Variants in ANK3 observed in about 807,000 individuals in gnomAD.
The protein encoded by ANK3 is ankyrin-3.
A neutral mutation model predicts 370.9 loss-of-function variants in ANK3; 57 were observed. The observed-to-expected ratio is 0.15, with a 90% confidence interval of 0.12 to 0.19. ANK3 has a LOEUF of 0.19. ANK3 is among the 10% of genes least tolerant of loss of function. The pLI is 1.00. For synonymous variants in ANK3, 1,929 were observed against 1,946.3 expected (o/e 0.99, Z 0.23); for missense variants, 4,439 against 5,302.1 (o/e 0.84, Z 5.06).
chr10:60,295,852 T>C (rs2042388372), intron 1 of ANK3, among the ~76,000 whole-genome samples: 1 of 152,144 alleles, frequency 6.6e-6, no homozygotes, highest in Admixed American at 6.5e-5. Context: ...AACGGTATTT[T>C]CCAAAACAAA....
Position 60,208,059 on chromosome 10 carries a change from C to G in ANK3, c.1171G>C (p.Ala391Pro), listed in dbSNP as rs1404588845. The change falls in exon 10 of 44, where the codon GCT (alanine) becomes CCT (proline). Residue 391 changes from alanine to proline, a missense_variant. Coordinates refer to ENST00000280772, the MANE Select transcript of ANK3 (RefSeq NM_020987.5). The part of the protein sequence containing the change: ...KVAKVLLDKK[A>P]NPNAKALNGF... Reference sequence around the variant, plus strand: ...ACCAGGGCTTTGGCATTGGGGTTAGCTTTCTTATCCAAGAGAACCTTGGCA... The same window carrying G: ...ACCAGGGCTTTGGCATTGGGGTTAGGTTTCTTATCCAAGAGAACCTTGGCA... 1 of 1,613,784 alleles carries G rather than the reference C, an allele frequency of 6.2e-7. No individual in the cohort carries two copies. Among genetic ancestry groups the G allele is most frequent in the Non-Finnish European group, 8.5e-7 (1 of 1,179,988 alleles).
intron 2 of ANK3, among the ~76,000 whole-genome samples, chr10:60,553,851 T>C (rs1481909309): frequency 1.3e-5 from 2 of 152,246 alleles, no homozygotes; most frequent in Non-Finnish European, 2.9e-5. Flanking sequence ...TAACTGATTA[T>C]GGCAACTAGC....
intron 12 of ANK3, among the ~76,000 whole-genome samples, chr10:60,200,862 T>G (rs763420745): frequency 5.9e-5 from 9 of 152,230 alleles, no homozygotes; most frequent in Admixed American, 1.3e-4. Flanking sequence ...GATCAATATC[T>G]TAGTCTTTGG....
At chr10:60,178,283 A>G (rs982297191) in intron 18 of ANK3, among the ~76,000 whole-genome samples, 25 of 152,308 alleles carry the variant, frequency 1.6e-4, no homozygotes, top group African/African-American at 5.5e-4. Context: ...TTATTACCGA[A>G]TACTCTAAAA....
chr10:60,242,152 A>G (rs2097472687), intron 7 of ANK3, among the ~76,000 whole-genome samples: 1 of 152,054 alleles, frequency 6.6e-6, no homozygotes, highest in Non-Finnish European at 1.5e-5. Flanking sequence ...TCTCTAACCT[A>G]CTCCTGGAAG....
At chr10:60,711,609 A>C (rs1023508122) in intron 1 of ANK3, among the ~76,000 whole-genome samples, 9 of 152,108 alleles carry the variant, frequency 5.9e-5, no homozygotes, top group Non-Finnish European at 1.0e-4. Flanking sequence ...TAATAAATAC[A>C]TAATGGCAAT....
intron 2 of ANK3, among the ~76,000 whole-genome samples, chr10:60,401,297 A>G (rs2063347722): frequency 6.6e-6 from 1 of 152,196 alleles, no homozygotes; most frequent in Non-Finnish European, 1.5e-5. Flanking sequence ...AGCACTAGAG[A>G]CTTGCTGTAT....
At chr10:60,729,906 C>T (rs2079995902) in intron 1 of ANK3, among the ~76,000 whole-genome samples, 1 of 152,132 alleles carries the variant, frequency 6.6e-6, no homozygotes, top group Non-Finnish European at 1.5e-5. Context: ...TATTTTGGTA[C>T]CACTGATCTC....
chr10:60,052,451 T>G (rs2078261923), intron 42 of ANK3, among the ~76,000 whole-genome samples: 1 of 152,204 alleles, frequency 6.6e-6, no homozygotes, highest in South Asian at 2.1e-4. Context: ...AGAAAGAATT[T>G]AATGAAGGAA....
At chr10:60,223,741 C>A (rs1372720184) in intron 8 of ANK3, among the ~76,000 whole-genome samples, 1 of 152,064 alleles carries the variant, frequency 6.6e-6, no homozygotes, top group Non-Finnish European at 1.5e-5. Flanking sequence ...AAGTAAAATT[C>A]TCGATAGAAT....
intron 12 of ANK3, among the ~76,000 whole-genome samples, chr10:60,201,843 T>G (rs2132421395): frequency 6.6e-6 from 1 of 151,584 alleles, no homozygotes. Flanking sequence ...TCCTGAGTAG[T>G]TGGAATTACA....
At chr10:60,077,884 G>T (rs980422752) in intron 36 of ANK3, among the ~76,000 whole-genome samples, 24 of 152,116 alleles carry the variant, frequency 1.6e-4, no homozygotes, top group Non-Finnish European at 2.8e-4. Flanking sequence ...CCTACCACTA[G>T]GAAGAATGGA....
intron 36 of ANK3, 68 bp from the exon 37 acceptor site, chr10:60,076,516 C>T: frequency 1.2e-5 from 18 of 1,485,218 alleles, no homozygotes; most frequent in Non-Finnish European, 1.6e-5. Flanking sequence ...AACAGAGAGA[C>T]CAGAGAAAAA....
chr10:60,202,994 A>T lies in ANK3; in HGVS notation c.1392+8T>A. 3 of 1,599,062 alleles carry T rather than the reference A, an allele frequency of 1.9e-6. No individual in the cohort carries two copies. The highest frequency in any genetic ancestry group is 2.6e-6 in the Non-Finnish European group (3 of 1,167,550). ...ACAATGGACCTCCTTTGTTCAAAGA[A>T]TACTTACCACATTGGTGGTGTTTGG... is the stretch of plus-strand genomic sequence containing the variant. On this transcript the variant is annotated splice_region_variant and intron_variant, in intron 12 of 43. Coordinates refer to ENST00000280772, the MANE Select transcript of ANK3 (RefSeq NM_020987.5).
intron 2 of ANK3, among the ~76,000 whole-genome samples, chr10:60,546,141 T>A (rs2076959170): frequency 6.6e-6 from 1 of 152,146 alleles, no homozygotes; most frequent in Non-Finnish European, 1.5e-5. Flanking sequence ...GCTCAAGCAA[T>A]CCTCCCACTT....
At chr10:60,292,350 T>C (rs1266416792) in intron 1 of ANK3, among the ~76,000 whole-genome samples, 1 of 151,810 alleles carries the variant, frequency 6.6e-6, no homozygotes, top group Non-Finnish European at 1.5e-5. Context: ...GAAATAGTAA[T>C]ATCTTGCTCT....
chr10:60,719,774 TTTAA>T (rs1175754772), intron 1 of ANK3, among the ~76,000 whole-genome samples: 7 of 152,212 alleles, frequency 4.6e-5, no homozygotes, highest in African/African-American at 1.7e-4. Context: ...TTCTTCTGAC[TTTAA>T]TTATGATGTT....
intron 1 of ANK3, among the ~76,000 whole-genome samples, chr10:60,329,826 A>C (rs981878252): frequency 6.6e-6 from 1 of 152,218 alleles, no homozygotes; most frequent in Non-Finnish European, 1.5e-5. Flanking sequence ...CTGTATAGCC[A>C]AGACAATCCT....
intron 7 of ANK3, among the ~76,000 whole-genome samples, chr10:60,252,191 C>T (rs1192390849): frequency 6.6e-6 from 1 of 152,160 alleles, no homozygotes; most frequent in Admixed American, 6.5e-5. Context: ...TACCCCTTTG[C>T]CCTTTCTGTA....
Sources: gnomAD v4.1 joint callset for allele counts (sites outside exome capture counted in the v4.1 genomes callset) on GRCh38, gnomAD v4.1.1 for gene constraint, MANE v1.5 for transcripts, NCBI Gene and HGNC (gene_info 2026-07-23, HGNC 2026-07-21) for gene names.